The following DYSF variants were observed in gnomAD, a reference collection of about 807,000 sequenced individuals.
The protein encoded by DYSF is dysferlin, also known as dystrophy-associated fer-1-like 1.
Under a neutral mutation model 274.9 loss-of-function variants are expected in DYSF, and 212 were observed. The observed-to-expected ratio is 0.77, with a 90% CI of 0.69 to 0.86. DYSF has a LOEUF of 0.86. Among genes scored for constraint, DYSF ranks in the 40% least tolerant of loss-of-function variants. DYSF has a pLI of 0.00. For synonymous variants in DYSF, 1,091 were observed against 1,078.7 expected (o/e 1.01, Z -0.22); for missense variants, 2,666 against 2,783.2 (o/e 0.96, Z 0.95).
rs182361669 is a variant in DYSF, at chr2:71,634,861, C to G, written c.4528-9104C>G. Among the ~76,000 whole-genome samples, 255 of 152,328 alleles carry G rather than the reference C, an allele frequency of 1.7e-3. 1 individual carries two copies. Among genetic ancestry groups the G allele is most frequent in the African/African-American group, 5.9e-3 (245 of 41,570 alleles). Reference sequence around the variant, plus strand: ...CTGATTTCTGGGCACACAGGCCATACTGCATCTTCTCATTTCAGCCCCCAA... The same window carrying G: ...CTGATTTCTGGGCACACAGGCCATAGTGCATCTTCTCATTTCAGCCCCCAA... On this transcript the variant is annotated intron_variant, in intron 41 of 55. Transcript: ENST00000410020.
At position 71,574,290 on chromosome 2, in the gene DYSF, C is replaced by T. The variant is rs945602962; in HGVS notation, c.3321C>T (p.Phe1107=). ...TCGAGTACCGCAAGACAGATGCCTT[C>T]CGCCGCCGCCGCTGGCGCCGTCGCA... The part of the protein sequence containing the change: ...FHLEYRKTDA[F]RRRRWRRRME... The change falls in exon 30 of 56, where the codon TTC becomes TTT. Residue 1107 remains phenylalanine, a synonymous_variant. Coordinates refer to ENST00000410020, the MANE Select transcript of DYSF (RefSeq NM_001130987.2). The T allele has an allele frequency of 1.4e-5, 22 of 1,613,322 alleles. No homozygotes were observed. Among genetic ancestry groups the T allele is most frequent in the Non-Finnish European group, 1.9e-5 (22 of 1,179,636 alleles).
chr2:71,513,362 C>G (rs111906698), intron 6 of DYSF, 30 bp downstream of exon 6: 1 of 1,541,438 alleles, frequency 6.5e-7, no homozygotes, highest in African/African-American at 1.4e-5. Flanking sequence ...TGTCCTGATC[C>G]CAGACCCTCC....
Position 71,540,104 on chromosome 2 carries a change from C to CT in DYSF, c.1576+874dup, listed in dbSNP as rs1240221196. Among the ~76,000 whole-genome samples the CT allele has an allele frequency of 6.6e-3, 968 of 146,274 alleles. 23 individuals carry two copies. Among genetic ancestry groups the CT allele is most frequent in the African/African-American group, 0.024 (916 of 38,552 alleles). ...GAATTGCTGTGTGAAAAGATTTCAA[C>CT]TTTTTTTTTCTTTTTTTTTTTTTTT... On this transcript the variant is annotated intron_variant, in intron 17 of 55. Coordinates refer to ENST00000410020, the MANE Select transcript of DYSF (RefSeq NM_001130987.2).
At chr2:71,529,356 T>G (rs1210647341) in intron 14 of DYSF, among the ~76,000 whole-genome samples, 1 of 152,220 alleles carries the variant, frequency 6.6e-6, no homozygotes, top group African/African-American at 2.4e-5. Flanking sequence ...TGGCATTGAA[T>G]TTTTGAACAG....
At chr2:71,591,345 G>A (rs1041104514) in intron 32 of DYSF, among the ~76,000 whole-genome samples, 2 of 152,182 alleles carry the variant, frequency 1.3e-5, no homozygotes, top group East Asian at 3.9e-4. Context: ...CTTCCCCTCT[G>A]CACAGATCAA....
intron 30 of DYSF, among the ~76,000 whole-genome samples, chr2:71,585,319 A>T (rs991470605): frequency 7.9e-5 from 12 of 152,162 alleles, no homozygotes; most frequent in African/African-American, 2.4e-4. Flanking sequence ...GCAATTTTCA[A>T]CAGGTCGGGC....
intron 17 of DYSF, among the ~76,000 whole-genome samples, chr2:71,544,680 C>T (rs1401107593): frequency 6.6e-6 from 1 of 152,026 alleles, no homozygotes; most frequent in Non-Finnish European, 1.5e-5. Flanking sequence ...AGGCTGGTCT[C>T]GAACTCCTGA....
At chr2:71,478,442 G>A (rs535647219) in intron 1 of DYSF, among the ~76,000 whole-genome samples, 52 of 151,786 alleles carry the variant, frequency 3.4e-4, no homozygotes, top group Admixed American at 8.5e-4. Context: ...CAATCTCCTG[G>A]TCTCGTGATC....
chr2:71,503,345 G>A (rs750781622), intron 4 of DYSF, 26 bp downstream of exon 4: 2 of 1,612,274 alleles, frequency 1.2e-6, no homozygotes, highest in South Asian at 2.2e-5. Context: ...CCTCTGCCAG[G>A]TTAAGGTCCA....
At chr2:71,545,647 T>C (rs1208797308) in intron 17 of DYSF, among the ~76,000 whole-genome samples, 2 of 152,164 alleles carry the variant, frequency 1.3e-5, no homozygotes, top group Non-Finnish European at 2.9e-5. Flanking sequence ...GTCTCTCATC[T>C]CTCAATCCAG....
intron 41 of DYSF, among the ~76,000 whole-genome samples, chr2:71,625,538 T>C (rs227774): frequency 0.98 from 148,743 of 152,178 alleles, 72,735 homozygotes; most frequent in Middle Eastern, 1. Context: ...TTTGTCTTTC[T>C]CTGGGCTATT....
chr2:71,669,107 C>T lies in DYSF; in HGVS notation c.5547-5C>T. 6.3e-7 allele frequency: 1 copy of T among 1,590,536 alleles called. No homozygotes were observed. Among genetic ancestry groups the T allele is most frequent in the Non-Finnish European group, 8.6e-7 (1 of 1,167,350 alleles). On this transcript the variant is annotated splice_region_variant and splice_polypyrimidine_tract_variant and intron_variant, in intron 49 of 55. Coordinates refer to ENST00000410020, the MANE Select transcript of DYSF (RefSeq NM_001130987.2). ...TAGGTGGATTAGAGTGATACCTTTCCCCAGGTTTTTCCTGCGTTGTATTAT... is the reference window on the plus strand; with the variant it reads ...TAGGTGGATTAGAGTGATACCTTTCTCCAGGTTTTTCCTGCGTTGTATTAT...
chr2:71,567,147 G>A (rs1246723939), intron 24 of DYSF, among the ~76,000 whole-genome samples: 2 of 152,254 alleles, frequency 1.3e-5, no homozygotes, highest in African/African-American at 2.4e-5. Context: ...AAATGGTGAA[G>A]TAATTGTGGA....
At chr2:71,648,272 G>A (rs1025657810) in intron 42 of DYSF, among the ~76,000 whole-genome samples, 3 of 152,126 alleles carry the variant, frequency 2.0e-5, no homozygotes, top group African/African-American at 7.2e-5. Flanking sequence ...GTAGTCAAGG[G>A]CTGATAAAAT....
chr2:71,560,698 G>T (rs979674699), intron 22 of DYSF, among the ~76,000 whole-genome samples: 1 of 152,220 alleles, frequency 6.6e-6, no homozygotes, highest in Non-Finnish European at 1.5e-5. Context: ...GCGCTCCGGC[G>T]GTAATTGGTT....
At chr2:71,674,557 G>A (rs903967044) in intron 52 of DYSF, among the ~76,000 whole-genome samples, 1 of 152,220 alleles carries the variant, frequency 6.6e-6, no homozygotes, top group Admixed American at 6.5e-5. Flanking sequence ...TTGGATGATG[G>A]GACTCAGATA....
intron 36 of DYSF, among the ~76,000 whole-genome samples, chr2:71,609,327 G>A (rs1273125645): frequency 6.6e-6 from 1 of 152,236 alleles, no homozygotes; most frequent in African/African-American, 2.4e-5. Context: ...TGTGGGTCTG[G>A]AGGAAAATGA....
At chr2:71,539,874 A>C (rs1340393188) in intron 17 of DYSF, among the ~76,000 whole-genome samples, 2 of 152,222 alleles carry the variant, frequency 1.3e-5, no homozygotes, top group Non-Finnish European at 2.9e-5. Context: ...CCTGTTATTA[A>C]AAGTTCTTCT....
chr2:71,586,325 C>T (rs1480629167), intron 30 of DYSF, among the ~76,000 whole-genome samples: 1 of 152,112 alleles, frequency 6.6e-6, no homozygotes, highest in Non-Finnish European at 1.5e-5. Flanking sequence ...AGTAATACTT[C>T]TTCCTAAAAA....
Sources: allele counts gnomAD v4.1 joint callset (sites outside exome capture counted in the v4.1 genomes callset), GRCh38; gene constraint gnomAD v4.1.1; transcripts MANE v1.5; gene names NCBI Gene and HGNC (gene_info 2026-07-23, HGNC 2026-07-21).